The following DZANK1 variants were observed in gnomAD, a reference collection of about 807,000 sequenced individuals.
DZANK1 encodes the protein double zinc ribbon and ankyrin repeat-containing protein 1.
DZANK1 carries 91 observed loss-of-function variants against 94.5 expected under a neutral mutation model. That is an observed-to-expected ratio of 0.96 (90% CI 0.81 to 1.15). DZANK1 has a LOEUF of 1.15. DZANK1 is among the 50% of genes most tolerant of loss of function. DZANK1 has a pLI of 0.00. For synonymous variants in DZANK1, 312 were observed against 325.3 expected (o/e 0.96, Z 0.44); for missense variants, 903 against 916.4 (o/e 0.99, Z 0.19).
exon 17 of DZANK1, chr20:18,393,768 G>A (rs2056157298): frequency 6.2e-7 from 1 of 1,613,030 alleles, no homozygotes; most frequent in African/African-American, 1.3e-5. Flanking sequence ...TTATCCTTTT[G>A]ATTTTTTCAA....
At chr20:18,433,878 A>C in intron 8 of DZANK1, 113 bp from the exon 9 acceptor site, 4 of 858,892 alleles carry the variant, frequency 4.7e-6, no homozygotes, top group Non-Finnish European at 7.2e-6. Flanking sequence ...TCCCGATCTC[A>C]TCTGATCTCA....
rs1334276046 is a variant in DZANK1, at chr20:18,452,749, T to C, written c.476-67A>G. On this transcript the variant is annotated intron_variant, in intron 5 of 20. Transcript: ENST00000262547. ...TCACCTACCTGGACGTCTACAATGATATTAAAAACATTATTCTTTGAGCAT... is the reference window on the plus strand; with the variant it reads ...TCACCTACCTGGACGTCTACAATGACATTAAAAACATTATTCTTTGAGCAT... 2 of 1,549,682 alleles carry C rather than the reference T, an allele frequency of 1.3e-6. No homozygotes were observed. The highest frequency in any genetic ancestry group is 1.7e-6 in the Non-Finnish European group (2 of 1,148,352).
chr20:18,393,906 GGA>G lies in DZANK1; in HGVS notation c.1709-97_1709-96del, dbSNP rs2056168813. 4.8e-6 allele frequency: 4 copies of G among 830,298 alleles called. No individual in the cohort carries two copies. The East Asian group carries it at 1.0e-4, about 21-fold the overall frequency. 51.4% of individuals were successfully genotyped at this position (830,298 alleles called of 1,614,324 possible). Reference sequence around the variant, plus strand: ...ACTTCCACGTCCCTCAAAAGTCAGAGGATAAAATGGCTATCATAGAAATTTCT... The same window carrying G: ...ACTTCCACGTCCCTCAAAAGTCAGAGTAAAATGGCTATCATAGAAATTTCT... On this transcript the variant is annotated intron_variant, in intron 16 of 20. Coordinates refer to ENST00000262547, the Ensembl canonical transcript of DZANK1.
At chr20:18,396,612 T>C in intron 14 of DZANK1, 66 bp from the exon 15 acceptor site, 1 of 1,152,520 alleles carries the variant, frequency 8.7e-7, no homozygotes, top group Non-Finnish European at 1.3e-6. Context: ...TAAGTAACAG[T>C]GTACAAATTC....
At chr20:18,418,261 A>G (rs1287083923) in intron 10 of DZANK1, among the ~76,000 whole-genome samples, 1 of 152,152 alleles carries the variant, frequency 6.6e-6, no homozygotes, top group African/African-American at 2.4e-5. Flanking sequence ...CGGTGGGCAC[A>G]AGGCAGTATT....
intron 13 of DZANK1, among the ~76,000 whole-genome samples, chr20:18,403,456 A>G (rs938490391): frequency 6.6e-6 from 1 of 152,246 alleles, no homozygotes; most frequent in African/African-American, 2.4e-5. Context: ...AACAGAGTTC[A>G]GAATCTCTCC....
chr20:18,437,457 T>C (rs2058566132), intron 8 of DZANK1, among the ~76,000 whole-genome samples: 1 of 152,078 alleles, frequency 6.6e-6, no homozygotes, highest in Non-Finnish European at 1.5e-5. Flanking sequence ...TGCACACCTG[T>C]AATCCCAGCA....
chr20:18,413,718 T>C (rs142858233), intron 12 of DZANK1, among the ~76,000 whole-genome samples: 302 of 152,126 alleles, frequency 2.0e-3, no homozygotes, highest in African/African-American at 6.5e-3. Flanking sequence ...AGGCAGAGGT[T>C]GCAGTGAGCC....
intron 7 of DZANK1, among the ~76,000 whole-genome samples, chr20:18,447,950 A>G (rs2058941979): frequency 6.6e-6 from 1 of 152,218 alleles, no homozygotes; most frequent in Non-Finnish European, 1.5e-5. Context: ...AGGGAAATGA[A>G]AACGTGTATA....
At chr20:18,418,240 C>T (rs779099177) in intron 10 of DZANK1, among the ~76,000 whole-genome samples, 3 of 152,012 alleles carry the variant, frequency 2.0e-5, no homozygotes, top group Admixed American at 6.6e-5. Context: ...GTCTACATAG[C>T]GCATGTGAAG....
intron 15 of DZANK1, chr20:18,394,746 C>T (rs760589276): frequency 4.3e-6 from 2 of 462,900 alleles, no homozygotes; most frequent in African/African-American, 4.0e-5. Flanking sequence ...ATTAGGGTGT[C>T]ATGATGGGAA....
chr20:18,449,824 A>G (rs2148732105), intron 6 of DZANK1, among the ~76,000 whole-genome samples: 1 of 151,746 alleles, frequency 6.6e-6, no homozygotes, highest in Middle Eastern at 3.4e-3. Flanking sequence ...CATGCCTACA[A>G]TCCCAGCACC....
intron 7 of DZANK1, among the ~76,000 whole-genome samples, chr20:18,446,140 G>A (rs997027299): frequency 6.6e-6 from 1 of 152,182 alleles, no homozygotes; most frequent in African/African-American, 2.4e-5. Context: ...AGCTACTTAG[G>A]AGGCTGAGGC....
chr20:18,401,864 GTC>G (rs541627591), intron 13 of DZANK1, among the ~76,000 whole-genome samples: 222 of 152,308 alleles, frequency 1.5e-3, no homozygotes, highest in African/African-American at 4.7e-3. Context: ...CACTCTCTAT[GTC>G]AAAGCAAGTC....
At chr20:18,395,889 C>A (rs971219068) in intron 15 of DZANK1, among the ~76,000 whole-genome samples, 1 of 152,208 alleles carries the variant, frequency 6.6e-6, no homozygotes, top group Non-Finnish European at 1.5e-5. Flanking sequence ...ATGAGTTAGA[C>A]AGGGCCCATG....
intron 8 of DZANK1, among the ~76,000 whole-genome samples, chr20:18,434,545 CAAAAA>C (rs55680576): frequency 6.3e-5 from 3 of 47,558 alleles, no homozygotes; most frequent in African/African-American, 1.7e-4. Flanking sequence ...GACTCCTGCT[CAAAAA>C]AAAAAAAAAA....
intron 8 of DZANK1, among the ~76,000 whole-genome samples, chr20:18,438,543 T>C (rs1343015195): frequency 9.9e-5 from 15 of 152,110 alleles, no homozygotes; most frequent in Admixed American, 9.8e-4. Context: ...AGTAGCTACA[T>C]AAATATCAGA....
intron 8 of DZANK1, among the ~76,000 whole-genome samples, chr20:18,439,515 T>A (rs1228920241): frequency 2.6e-5 from 4 of 152,178 alleles, no homozygotes; most frequent in Non-Finnish European, 5.9e-5. Flanking sequence ...GAATGCCATG[T>A]CAGATTCCTC....
chr20:18,454,910 G>T (rs1335948128), intron 4 of DZANK1, among the ~76,000 whole-genome samples: 1 of 152,200 alleles, frequency 6.6e-6, no homozygotes. Context: ...ATATGTAGGG[G>T]GTTGACAGAC....
Sources: allele counts gnomAD v4.1 joint callset (sites outside exome capture counted in the v4.1 genomes callset), GRCh38; gene constraint gnomAD v4.1.1; transcripts MANE v1.5; gene names NCBI Gene and HGNC (gene_info 2026-07-23, HGNC 2026-07-21).